The following MCRS1 variants were observed in gnomAD, a reference collection of about 807,000 sequenced individuals.
The protein encoded by MCRS1 is microspherule protein 1.
MCRS1 carries 22 observed loss-of-function variants against 62.9 expected under a neutral mutation model. The ratio of observed to expected loss-of-function variants is 0.35; its 90% CI spans 0.25 to 0.50. The LOEUF (loss-of-function observed/expected upper bound fraction) is 0.50, where lower values mean the gene tolerates loss of function less well. Among genes scored for constraint, MCRS1 ranks in the 20% least tolerant of loss-of-function variants. The pLI, the probability that MCRS1 is intolerant of heterozygous loss-of-function variation, is 0.98. For missense variants in MCRS1, 456 were observed against 601.1 expected, an observed-to-expected ratio of 0.76 and a Z score of 2.52; for synonymous variants, 244 against 233.5, an observed-to-expected ratio of 1.04 and a Z score of -0.41.
intron 8 of MCRS1, among the ~76,000 whole-genome samples, chr12:49,561,049 GTTT>G (rs527488559): frequency 6.6e-6 from 1 of 150,804 alleles, no homozygotes; most frequent in Non-Finnish European, 1.5e-5. Flanking sequence ...ATGAAAGTCT[GTTT>G]TTTTTTCTGG....
chr12:49,566,445 G>A (rs1325936104), intron 2 of MCRS1: 1 of 1,569,554 alleles, frequency 6.4e-7, no homozygotes, highest in South Asian at 1.2e-5. Context: ...GTCATGTCGT[G>A]CAGCACATGG....
chr12:49,561,377 T>C (rs1166088036), intron 8 of MCRS1, among the ~76,000 whole-genome samples: 1 of 151,978 alleles, frequency 6.6e-6, no homozygotes, highest in African/African-American at 2.4e-5. Context: ...GGTGAGACCA[T>C]ATGGGGGGAA....
intron 8 of MCRS1, among the ~76,000 whole-genome samples, chr12:49,562,370 G>C (rs1292861113): frequency 6.6e-6 from 1 of 152,242 alleles, no homozygotes; most frequent in Non-Finnish European, 1.5e-5. Context: ...CCCATCACTG[G>C]GAGAGTGAGT....
Position 49,566,804 on chromosome 12 carries a change from G to T in MCRS1, c.-73C>A. 6.3e-7 allele frequency: 1 copy of T among 1,581,306 alleles called. No homozygotes were observed. Among genetic ancestry groups the T allele is most frequent in the South Asian group, 1.1e-5 (1 of 88,320 alleles). On this transcript the variant is annotated 5_prime_UTR_variant, in exon 2 of 15. Coordinates refer to ENST00000343810, the MANE Select transcript of MCRS1 (RefSeq NM_006337.5). Reference sequence around the variant, plus strand: ...GAACGGTCCCACAGGCTCATCCAAGGATTCTGACCAGGTGAGCTTAAAGGC... The same window carrying T: ...GAACGGTCCCACAGGCTCATCCAAGTATTCTGACCAGGTGAGCTTAAAGGC...
intron 8 of MCRS1, among the ~76,000 whole-genome samples, chr12:49,562,626 G>A (rs1045063716): frequency 1.3e-5 from 2 of 152,232 alleles, no homozygotes; most frequent in Non-Finnish European, 2.9e-5. Flanking sequence ...CAAACTGAAG[G>A]GTGGGCAGGA....
intron 8 of MCRS1, 80 bp from the exon 9 acceptor site, chr12:49,560,450 C>A (rs1938707036): frequency 1.5e-6 from 2 of 1,330,866 alleles, no homozygotes; most frequent in African/African-American, 1.4e-5. Flanking sequence ...GCCAAGTGGA[C>A]CAGCTGCAGA....
Position 49,560,257 on chromosome 12 carries a change from G to A in MCRS1, c.881+38C>T, listed in dbSNP as rs112551344. 3.6e-3 allele frequency: 5,841 copies of A among 1,601,630 alleles called. 20 individuals are homozygous for A. The highest frequency in any genetic ancestry group is 6.1e-3 in the South Asian group (557 of 90,836). On this transcript the variant is annotated intron_variant, in intron 9 of 14. Coordinates refer to ENST00000343810, the MANE Select transcript of MCRS1 (RefSeq NM_006337.5). ...GCGCTCTACCTGACAGGAGTGACTC[G>A]GCTCTCTCCACCCCTTCCTGTGTCT...
chr12:49,562,861 G>T lies in MCRS1; in HGVS notation c.805+140C>A, dbSNP rs1938842383. ...CTCTCTCTGGAAAGTAGTTTTTTTT[G>T]CAATGTGAGGTGAACAAGACACTGG... On this transcript the variant is annotated intron_variant, in intron 8 of 14. Transcript: ENST00000343810. The T allele has an allele frequency of 5.4e-6, 6 of 1,104,998 alleles. No homozygotes were observed. In the South Asian group the frequency reaches 9.1e-5, roughly 17 times the overall value. 68.4% of individuals were successfully genotyped at this position (1,104,998 alleles called of 1,614,324 possible).
In MCRS1 at chr12:49,568,089, G is replaced by C. The variant is rs1327408701; in HGVS notation, c.-152C>G. ...GATCCAACAATTTCTCCGCGGCGAC[G>C]GTAGCAGCCGCAGGGCCAAAGCCGG... On this transcript the variant is annotated 5_prime_UTR_variant, in exon 1 of 15. Transcript: ENST00000343810. 6.6e-6 allele frequency: 1 copy of C among 152,222 alleles called. No individual in the cohort carries two copies. The highest frequency in any genetic ancestry group is 2.4e-5 in the African/African-American group (1 of 41,450). 9.4% of individuals were successfully genotyped at this position (152,222 alleles called of 1,614,324 possible). A position where few individuals can be genotyped will look rare whatever the true frequency, so the allele number is the denominator to read the frequency against.
At position 49,563,438 on chromosome 12, in the gene MCRS1, C is replaced by T. The variant is rs1182399826; in HGVS notation, c.666G>A (p.Ser222=). ...CCACCTTCCCAGCCCTCAGCCTTAC[C>T]GATCCCACTTTGCTCAGCAGCTGCT... is the stretch of plus-strand genomic sequence containing the variant. ...AEEQLLSKVG[S]TSQPTLETFQ... The change falls in exon 7 of 15, where the codon TCG becomes TCA. Residue 222 remains serine (S), a splice_region_variant and synonymous_variant. Coordinates refer to ENST00000343810, the MANE Select transcript of MCRS1 (RefSeq NM_006337.5). 14 of 1,611,200 alleles carry T rather than the reference C, an allele frequency of 8.7e-6. No individual in the cohort carries two copies. The highest frequency in any genetic ancestry group is 5.3e-5 in the African/African-American group (4 of 74,896).
At position 49,563,437 on chromosome 12, in the gene MCRS1, C is replaced by T; in HGVS notation, c.666+1G>A. On this transcript the variant is annotated splice_donor_variant, in intron 7 of 14. Coordinates refer to ENST00000343810, the MANE Select transcript of MCRS1 (RefSeq NM_006337.5). LOFTEE classifies it high-confidence loss of function. ...TCCACCTTCCCAGCCCTCAGCCTTA[C>T]CGATCCCACTTTGCTCAGCAGCTGC... 6.2e-7 allele frequency: 1 copy of T among 1,611,274 alleles called. No individual in the cohort carries two copies. Among genetic ancestry groups the T allele is most frequent in the Non-Finnish European group, 8.5e-7 (1 of 1,179,008 alleles).
In MCRS1 at chr12:49,563,420, C is replaced by T. The variant is rs1260280099; in HGVS notation, c.666+18G>A. ...TCGCTGTGCCCTGATCCTCCACCTTCCCAGCCCTCAGCCTTACCGATCCCA... is the reference window on the plus strand; with the variant it reads ...TCGCTGTGCCCTGATCCTCCACCTTTCCAGCCCTCAGCCTTACCGATCCCA... On this transcript the variant is annotated intron_variant, in intron 7 of 14. Coordinates refer to ENST00000343810, the MANE Select transcript of MCRS1 (RefSeq NM_006337.5). The T allele has an allele frequency of 1.2e-6, 2 of 1,605,012 alleles. No individual in the cohort carries two copies. The highest frequency in any genetic ancestry group is 4.5e-5 in the East Asian group (2 of 44,852).
Position 49,564,903 on chromosome 12 carries a change from G to C in MCRS1, c.289-8C>G, listed in dbSNP as rs768002163. 6.3e-6 allele frequency: 10 copies of C among 1,582,506 alleles called. No homozygotes were observed. Among genetic ancestry groups the C allele is most frequent in the Non-Finnish European group, 8.6e-6 (10 of 1,163,016 alleles). Reference sequence around the variant, plus strand: ...GCTGGGGGCTTTGGATACCTGGGCAGAGGACAGGAACAAACCAAGCTCAAA... The same window carrying C: ...GCTGGGGGCTTTGGATACCTGGGCACAGGACAGGAACAAACCAAGCTCAAA... On this transcript the variant is annotated splice_region_variant and splice_polypyrimidine_tract_variant and intron_variant, in intron 4 of 14. Coordinates refer to ENST00000343810, the MANE Select transcript of MCRS1 (RefSeq NM_006337.5).
In MCRS1 at chr12:49,560,313, A is replaced by G. The variant is rs1938698948; in HGVS notation, c.863T>C (p.Ile288Thr). 5 of 1,614,248 alleles carry G rather than the reference A, an allele frequency of 3.1e-6. No individual in the cohort carries two copies. The highest frequency in any genetic ancestry group is 1.3e-5 in the African/African-American group (1 of 75,064). ...CACTCACTTGAGCTTACTGTCATCAATCAGGTCCTCTGCATCAGAGAAGTT... is the reference window on the plus strand; with the variant it reads ...CACTCACTTGAGCTTACTGTCATCAGTCAGGTCCTCTGCATCAGAGAAGTT... Reference protein sequence around the residue: ...VLNFSDAEDLIDDSKLKDMRD... With the variant: ...VLNFSDAEDLTDDSKLKDMRD... Residue 288 changes from isoleucine (I) to threonine (T), a missense_variant, in exon 9 of 15, where the codon ATT becomes ACT. Ile to Thr is a moderately conservative substitution (Grantham distance 89). This residue lies in a region of MCRS1 where 393 missense variants were observed against 523.5 expected (regional missense o/e 0.75). Coordinates refer to ENST00000343810, the MANE Select transcript of MCRS1 (RefSeq NM_006337.5).
Position 49,559,702 on chromosome 12 carries a change from A to T in MCRS1, c.1003+27T>A, listed in dbSNP as rs760606651. 2.4e-5 allele frequency: 38 copies of T among 1,612,798 alleles called. 1 individual carries two copies. The South Asian group carries it at 3.7e-4, about 16-fold the overall frequency. Reference sequence around the variant, plus strand: ...CTGGGGCGAAGGATGCTGAAGAGTGAGCCTTCTGGTGCCCAGGCCTCCTCA... The same window carrying T: ...CTGGGGCGAAGGATGCTGAAGAGTGTGCCTTCTGGTGCCCAGGCCTCCTCA... On this transcript the variant is annotated intron_variant, in intron 11 of 14. Coordinates refer to ENST00000343810, the MANE Select transcript of MCRS1 (RefSeq NM_006337.5). This position sits in a 1 kb window ranked among gnomAD's most constrained non-coding sequence, Gnocchi z 5.2.
At chr12:49,567,151 C>T (rs924664023) in intron 1 of MCRS1, among the ~76,000 whole-genome samples, 1 of 152,078 alleles carries the variant, frequency 6.6e-6, no homozygotes, top group Non-Finnish European at 1.5e-5. Flanking sequence ...TATAAACTAG[C>T]AAGAGACAAG....
chr12:49,566,243 GCCT>G, intron 2 of MCRS1, 28 bp from the exon 3 acceptor site: 2 of 1,603,568 alleles, frequency 1.2e-6, no homozygotes, highest in Admixed American at 1.7e-5. Flanking sequence ...GTGGATTCGG[GCCT>G]CCTAAGATCC....
At position 49,568,045 on chromosome 12, in the gene MCRS1, C is replaced by T. The variant is rs1939155896; in HGVS notation, c.-111+3G>A. ...CCCTCAGAGGCGAACCGCGAGGTCT[C>T]ACCATTCCTAGACTGCCAGATCCAA... On this transcript the variant is annotated splice_donor_region_variant and intron_variant, in intron 1 of 14. Coordinates refer to ENST00000343810, the MANE Select transcript of MCRS1 (RefSeq NM_006337.5). The T allele has an allele frequency of 6.6e-6, 1 of 152,196 alleles. No homozygotes were observed. The allele number at this position is 152,196 out of a possible 1,614,324, so 9.4% of individuals were successfully genotyped here.
At chr12:49,563,928 C>T (rs1404197969) in intron 6 of MCRS1, among the ~76,000 whole-genome samples, 5 of 152,222 alleles carry the variant, frequency 3.3e-5, no homozygotes, top group African/African-American at 1.2e-4. Flanking sequence ...ACTGCAGCTA[C>T]AACTTAAGTG....
Sources: allele counts gnomAD v4.1 joint callset (sites outside exome capture counted in the v4.1 genomes callset), GRCh38; gene constraint gnomAD v4.1.1; regional missense constraint gnomAD v4.1.1; non-coding constraint Gnocchi (gnomAD v3.1); transcripts MANE v1.5; gene names NCBI Gene and HGNC (gene_info 2026-07-23, HGNC 2026-07-21).